The following PARD3 variants were observed in gnomAD, a reference collection of about 807,000 sequenced individuals.
PARD3 encodes partitioning defective 3 homolog.
In PARD3, 75 loss-of-function variants were observed where a neutral mutation model predicts 155.4. That is an observed-to-expected ratio of 0.48 (90% confidence interval 0.40 to 0.58). PARD3 has a LOEUF of 0.58. Ranked by LOEUF, PARD3 falls within the 20% of genes least tolerant of loss-of-function variation. PARD3 has a pLI of 0.00. For missense variants in PARD3, 1,642 were observed against 1,721.7 expected, an observed-to-expected ratio of 0.95 and a Z score of 0.82; for synonymous variants, 576 against 610.5, an observed-to-expected ratio of 0.94 and a Z score of 0.83.
At chr10:34,803,546 T>C (rs1177578057) in intron 1 of PARD3, among the ~76,000 whole-genome samples, 1 of 152,162 alleles carries the variant, frequency 6.6e-6, no homozygotes, top group Non-Finnish European at 1.5e-5. Context: ...ATCTCAGCAC[T>C]TTGGGAGGCC....
At chr10:34,511,915 A>T (rs1240385019) in intron 3 of PARD3, among the ~76,000 whole-genome samples, 1 of 152,070 alleles carries the variant, frequency 6.6e-6, no homozygotes, top group Non-Finnish European at 1.5e-5. Flanking sequence ...TAATAGAGAC[A>T]AGGTCCTTTA....
intron 2 of PARD3, among the ~76,000 whole-genome samples, chr10:34,578,181 T>C (rs182786782): frequency 6.6e-6 from 1 of 152,238 alleles, no homozygotes; most frequent in African/African-American, 2.4e-5. Context: ...AAAAATGTGA[T>C]ACCTCCTTAC....
At chr10:34,775,587 T>C (rs1007779195) in intron 1 of PARD3, among the ~76,000 whole-genome samples, 2 of 152,138 alleles carry the variant, frequency 1.3e-5, no homozygotes, top group African/African-American at 4.8e-5. Flanking sequence ...AGGCTGCCAG[T>C]TCAAGGTGCC....
intron 22 of PARD3, among the ~76,000 whole-genome samples, chr10:34,139,172 T>C (rs1424220791): frequency 6.6e-6 from 1 of 152,152 alleles, no homozygotes; most frequent in African/African-American, 2.4e-5. Context: ...TCAGCACACA[T>C]AGAAAGGAGA....
At chr10:34,714,921 C>T (rs1243706898) in intron 1 of PARD3, among the ~76,000 whole-genome samples, 2 of 151,564 alleles carry the variant, frequency 1.3e-5, no homozygotes, top group Non-Finnish European at 2.9e-5. Flanking sequence ...ACTATAGGCA[C>T]GCACCACCAC....
In PARD3 at chr10:34,337,326, T is replaced by A; in HGVS notation, c.2509A>T (p.Ser837Cys). The A allele has an allele frequency of 6.2e-7, 1 of 1,602,966 alleles. No homozygotes were observed. Among genetic ancestry groups the A allele is most frequent in the South Asian group, 1.1e-5 (1 of 89,544 alleles). ...EKRTKQFSDA[S>C]QLDFVKTRKS... is the part of the protein sequence containing the mutation. The stretch of plus-strand genomic sequence containing the variant: ...CGTGTTTTAACGAAATCCAATTGAC[T>A]GGCATCTGAAAATTGCTTTGTGCGT... Residue 837 changes from serine (S) to cysteine (C), a missense_variant, in exon 17 of 25, where the codon AGT becomes TGT. Coordinates refer to ENST00000374788, the MANE Select transcript of PARD3 (RefSeq NM_001184785.2).
intron 8 of PARD3, 66 bp from the exon 9 acceptor site, chr10:34,382,988 T>A: frequency 6.5e-7 from 1 of 1,527,606 alleles, no homozygotes; most frequent in Non-Finnish European, 8.9e-7. Flanking sequence ...ATTATGAGCT[T>A]AATTAAGTTT....
At chr10:34,372,333 G>T (rs962415200) in intron 12 of PARD3, among the ~76,000 whole-genome samples, 165 bp downstream of exon 12, 1 of 152,088 alleles carries the variant, frequency 6.6e-6, no homozygotes, top group African/African-American at 2.4e-5. Context: ...GGTGGTAACA[G>T]TAAGTCACCT....
chr10:34,415,064 GGAA>G (rs1207251912), intron 5 of PARD3, among the ~76,000 whole-genome samples: 30 of 152,260 alleles, frequency 2.0e-4, no homozygotes, highest in Admixed American at 1.8e-3. Flanking sequence ...GCCATGATCA[GGAA>G]GAAGAACCAC....
At chr10:34,798,630 G>A (rs535115527) in intron 1 of PARD3, among the ~76,000 whole-genome samples, 6 of 151,152 alleles carry the variant, frequency 4.0e-5, no homozygotes, top group South Asian at 4.2e-4. Context: ...ACTAGAACCC[G>A]GGAGGCAGAG....
intron 1 of PARD3, among the ~76,000 whole-genome samples, chr10:34,717,527 T>C (rs1160943624): frequency 2.0e-5 from 3 of 152,176 alleles, no homozygotes; most frequent in Non-Finnish European, 4.4e-5. Context: ...GTAGACACCA[T>C]TCACCCAGAA....
intron 7 of PARD3, among the ~76,000 whole-genome samples, chr10:34,397,440 C>T (rs769456524): frequency 3.3e-5 from 5 of 152,156 alleles, no homozygotes; most frequent in Non-Finnish European, 5.9e-5. Flanking sequence ...TCTCTGTGCA[C>T]GACTTTCTTC....
chr10:34,244,053 A>C (rs1235589474), intron 22 of PARD3, among the ~76,000 whole-genome samples: 1 of 152,180 alleles, frequency 6.6e-6, no homozygotes, highest in African/African-American at 2.4e-5. Context: ...GAGAAAAGAA[A>C]AATTCCTTGT....
At chr10:34,358,144 A>C (rs1839083071) in intron 14 of PARD3, among the ~76,000 whole-genome samples, 1 of 152,214 alleles carries the variant, frequency 6.6e-6, no homozygotes, top group South Asian at 2.1e-4. Context: ...GCACATGGGC[A>C]AGTCTGACCT....
At chr10:34,767,879 G>T (rs1465030742) in intron 1 of PARD3, among the ~76,000 whole-genome samples, 1 of 151,872 alleles carries the variant, frequency 6.6e-6, no homozygotes, top group African/African-American at 2.4e-5. Context: ...GGCCAAGATT[G>T]TGACACTGCA....
intron 3 of PARD3, among the ~76,000 whole-genome samples, chr10:34,514,417 A>T (rs541497449): frequency 1.6e-4 from 25 of 152,330 alleles, no homozygotes; most frequent in African/African-American, 5.8e-4. Context: ...AGCACAAGGC[A>T]TGGCCAGTAT....
chr10:34,288,086 C>T (rs1020056002), intron 20 of PARD3, among the ~76,000 whole-genome samples: 2 of 152,044 alleles, frequency 1.3e-5, no homozygotes, highest in African/African-American at 4.8e-5. Flanking sequence ...TGGTACACAC[C>T]TGTAGTCTCA....
intron 1 of PARD3, among the ~76,000 whole-genome samples, chr10:34,798,582 G>A (rs1016032351): frequency 2.6e-5 from 4 of 151,804 alleles, no homozygotes; most frequent in South Asian, 2.1e-4. Flanking sequence ...GTGGGTGCCT[G>A]TAACCCGAGC....
intron 21 of PARD3, among the ~76,000 whole-genome samples, chr10:34,273,074 T>C (rs1047962332): frequency 3.3e-5 from 5 of 152,178 alleles, no homozygotes; most frequent in African/African-American, 1.2e-4. Context: ...CTTTAAAAAT[T>C]AAACATATAC....
Sources: allele counts gnomAD v4.1 joint callset (sites outside exome capture counted in the v4.1 genomes callset), GRCh38; gene constraint gnomAD v4.1.1; transcripts MANE v1.5; gene names NCBI Gene and HGNC (gene_info 2026-07-23, HGNC 2026-07-21).